Variants in TTC23 observed in about 807,000 individuals in gnomAD.
TTC23 encodes tetratricopeptide repeat domain 23, also known as tetratricopeptide repeat protein 23.
Under a neutral mutation model 55.1 loss-of-function variants are expected in TTC23, and 58 were observed. The observed-to-expected ratio is 1.05, with a 90% CI of 0.85 to 1.31. The LOEUF (loss-of-function observed/expected upper bound fraction) is 1.31. Ranked by LOEUF, TTC23 falls within the 50% of genes most tolerant of loss-of-function variation. The pLI is 0.00. For synonymous variants in TTC23, 203 were observed against 199.9 expected (o/e 1.02, Z -0.13); for missense variants, 516 against 534.4 (o/e 0.97, Z 0.34).
At chr15:99,226,641 T>A (rs888507825) in intron 5 of TTC23, among the ~76,000 whole-genome samples, 1 of 152,168 alleles carries the variant, frequency 6.6e-6, no homozygotes, top group Admixed American at 6.5e-5. Context: ...GCTTGCAGCT[T>A]CTTCTCCTTG....
intron 8 of TTC23, among the ~76,000 whole-genome samples, chr15:99,202,902 A>G (rs1447070049): frequency 1.3e-5 from 2 of 152,354 alleles, no homozygotes; most frequent in South Asian, 2.1e-4. Context: ...TGAGAATTGA[A>G]TAAGATGTCC....
chr15:99,154,497 T>C (rs1296009483), intron 12 of TTC23, among the ~76,000 whole-genome samples: 1 of 152,210 alleles, frequency 6.6e-6, no homozygotes, highest in Non-Finnish European at 1.5e-5. Context: ...GAGTTTGGCC[T>C]CCTTTTCTCT....
intron 2 of TTC23, among the ~76,000 whole-genome samples, chr15:99,243,375 G>T (rs750858533): frequency 6.6e-6 from 1 of 152,170 alleles, no homozygotes; most frequent in African/African-American, 2.4e-5. Context: ...GACAAAGGGG[G>T]ACACTCATAC....
intron 8 of TTC23, among the ~76,000 whole-genome samples, chr15:99,216,081 A>G (rs1256246161): frequency 1.3e-5 from 2 of 152,216 alleles, no homozygotes; most frequent in Non-Finnish European, 2.9e-5. Context: ...TCTCACCCCA[A>G]CAAAATAGCT....
intron 2 of TTC23, among the ~76,000 whole-genome samples, chr15:99,242,133 GAA>G (rs35988389): frequency 6.6e-4 from 89 of 134,612 alleles, no homozygotes; most frequent in Non-Finnish European, 8.1e-4. Context: ...TCCTGTCTCA[GAA>G]AAAAAAAAAA....
intron 10 of TTC23, among the ~76,000 whole-genome samples, chr15:99,166,880 T>C (rs2072181696): frequency 6.6e-6 from 1 of 152,168 alleles, no homozygotes; most frequent in Admixed American, 6.5e-5. Context: ...GCCTAGAGCT[T>C]AGGAACAGAG....
chr15:99,231,923 G>A (rs2078966996), intron 4 of TTC23, among the ~76,000 whole-genome samples: 2 of 151,934 alleles, frequency 1.3e-5, no homozygotes, highest in African/African-American at 4.8e-5. Flanking sequence ...CTCCTGAGTA[G>A]GTGGGATTAC....
chr15:99,223,459 G>C (rs565919211), intron 5 of TTC23, among the ~76,000 whole-genome samples: 52 of 152,312 alleles, frequency 3.4e-4, no homozygotes, highest in Non-Finnish European at 6.6e-4. Context: ...CACAGCAAGA[G>C]GGCAGTCATC....
At chr15:99,248,522 A>G (rs1005237449) in intron 1 of TTC23, among the ~76,000 whole-genome samples, 1 of 152,176 alleles carries the variant, frequency 6.6e-6, no homozygotes, top group Non-Finnish European at 1.5e-5. Context: ...AATTCTGCCC[A>G]TTGCTCAGGC....
At position 99,221,789 on chromosome 15, in the gene TTC23, G is replaced by C. The variant is rs1213064943; in HGVS notation, c.256C>G (p.Leu86Val). ...GCCAGATTAACATGTGCCTCTGCTA[G>C]TTTCCAATGTGAGTCTCCATAGCAA... ...RICYGDSHWK[L>V]AEAHVNLAQG... is the part of the protein sequence containing the mutation. Residue 86 changes from leucine to valine, a missense_variant, in exon 6 of 14, where the codon CTA becomes GTA. Leu to Val is a conservative substitution (Grantham distance 32, BLOSUM62 1). Coordinates refer to ENST00000394132, the MANE Select transcript of TTC23 (RefSeq NM_001288615.3). 1 of 1,614,164 alleles carries C rather than the reference G, an allele frequency of 6.2e-7. No homozygotes were observed. Among genetic ancestry groups the C allele is most frequent in the East Asian group, 2.2e-5 (1 of 44,878 alleles).
intron 10 of TTC23, among the ~76,000 whole-genome samples, chr15:99,167,313 C>G (rs1020590): frequency 1.3e-5 from 2 of 152,226 alleles, no homozygotes; most frequent in African/African-American, 4.8e-5. Flanking sequence ...CCACCCCTAC[C>G]TTTGAAAACC....
chr15:99,173,428 T>A (rs1280294836), intron 10 of TTC23, among the ~76,000 whole-genome samples: 1 of 151,966 alleles, frequency 6.6e-6, no homozygotes, highest in Non-Finnish European at 1.5e-5. Flanking sequence ...AAAAAAGAAT[T>A]TTTTAAATTA....
rs184435669 is a variant in TTC23 at position 99,168,185 on chromosome 15, C to G, written c.866-6318G>C. Among the ~76,000 whole-genome samples the G allele has an allele frequency of 2.6e-5, 4 of 152,308 alleles. No individual in the cohort carries two copies. The East Asian group carries it at 7.7e-4, about 29-fold the overall frequency. On this transcript the variant is annotated intron_variant, in intron 10 of 13. Coordinates refer to ENST00000394132, the MANE Select transcript of TTC23 (RefSeq NM_001288615.3). The stretch of plus-strand genomic sequence containing the variant: ...TTCAGGGAGTGGCAGGGCTGCTACT[C>G]ACTAGCTGTGTGATACAAGGAAGTC...
chr15:99,195,317 T>C (rs1022243285), intron 9 of TTC23, among the ~76,000 whole-genome samples: 1 of 152,166 alleles, frequency 6.6e-6, no homozygotes, highest in Non-Finnish European at 1.5e-5. Context: ...GACAAGCCCA[T>C]GGAAAGATGC....
chr15:99,185,311 C>G (rs975734695), intron 9 of TTC23, among the ~76,000 whole-genome samples: 1 of 152,034 alleles, frequency 6.6e-6, no homozygotes, highest in Non-Finnish European at 1.5e-5. Flanking sequence ...CAATAAGAAG[C>G]GCGACCATTA....
chr15:99,246,687 A>G (rs1433871818), intron 1 of TTC23, among the ~76,000 whole-genome samples: 1 of 151,076 alleles, frequency 6.6e-6, no homozygotes, highest in Non-Finnish European at 1.5e-5. Flanking sequence ...TTGGGAGGCC[A>G]AGGCAGGTGG....
chr15:99,248,701 C>T (rs929281533), intron 1 of TTC23, among the ~76,000 whole-genome samples: 10 of 152,172 alleles, frequency 6.6e-5, no homozygotes, highest in South Asian at 4.1e-4. Flanking sequence ...TCTTGAGGGG[C>T]TGGATTTTAT....
chr15:99,153,167 G>A (rs1021038626), intron 12 of TTC23, among the ~76,000 whole-genome samples: 3 of 152,330 alleles, frequency 2.0e-5, no homozygotes, highest in Admixed American at 1.3e-4. Flanking sequence ...CTCAGCTTCC[G>A]TCTCACCTCT....
chr15:99,152,762 A>G (rs2069987649), intron 12 of TTC23, among the ~76,000 whole-genome samples: 1 of 152,116 alleles, frequency 6.6e-6, no homozygotes, highest in Admixed American at 6.5e-5. Flanking sequence ...TACACGAATC[A>G]CTTAACATGG....
Sources: allele counts gnomAD v4.1 joint callset (sites outside exome capture counted in the v4.1 genomes callset), GRCh38; gene constraint gnomAD v4.1.1; transcripts MANE v1.5; gene names NCBI Gene and HGNC (gene_info 2026-07-23, HGNC 2026-07-21).